PALM: variants seen among roughly 807,000 people sequenced by gnomAD.
PALM encodes the protein paralemmin-1.
PALM carries 18 observed loss-of-function variants against 30.7 expected under a neutral mutation model. That is an observed-to-expected ratio of 0.59 (90% CI 0.41 to 0.87). The LOEUF (loss-of-function observed/expected upper bound fraction) is 0.87, where lower values mean the gene tolerates loss of function less well. Among genes scored for constraint, PALM ranks in the 40% least tolerant of loss-of-function variants. The pLI is 0.00. For synonymous variants in PALM, 286 were observed against 242.8 expected (o/e 1.18, Z -1.66); for missense variants, 529 against 555.4 (o/e 0.95, Z 0.48).
intron 3 of PALM, 26 bp downstream of exon 3, chr19:727,114 T>C: frequency 6.8e-7 from 1 of 1,464,368 alleles, no homozygotes. Flanking sequence ...GGACCCAGGG[T>C]CAGGGAGTGC....
At chr19:744,609 A>G (rs906034114) in intron 8 of PALM, among the ~76,000 whole-genome samples, 2 of 152,064 alleles carry the variant, frequency 1.3e-5, no homozygotes, top group Admixed American at 1.3e-4. Context: ...GAATCCCTGT[A>G]ATGGCCAGGC....
rs531119531 is a variant in PALM, at chr19:734,419, G to A, written c.442+225G>A. On this transcript the variant is annotated intron_variant, in intron 6 of 8. Transcript: ENST00000338448. ...TACTGAAAAAATGCAAAGACAATTA[G>A]CCGGGTGTGGTGGCTCATGCCTGTA... 1.1e-3 allele frequency: 613 copies of A among 561,296 alleles called. 1 individual carries two copies. Among genetic ancestry groups the A allele is most frequent in the African/African-American group, 8.8e-3 (454 of 51,844 alleles). The allele number at this position is 561,296 out of a possible 1,614,324, so 34.8% of individuals were successfully genotyped here.
intron 2 of PALM, among the ~76,000 whole-genome samples, 170 bp downstream of exon 2, chr19:726,359 C>T (rs1259546149): frequency 6.6e-6 from 1 of 152,182 alleles, no homozygotes; most frequent in Admixed American, 6.5e-5. Flanking sequence ...GAAGTGGAGA[C>T]CCCCTGAGTC....
rs1351095552 is a variant in PALM at position 747,292 on chromosome 19, T to A, written c.*478T>A. On this transcript the variant is annotated 3_prime_UTR_variant, in exon 9 of 9. Transcript: ENST00000338448. ...CTCAGGCCCTGGAAGTGAGGCTCTA[T>A]GGGGTTCCCTGGCCAAGGCGCTGGC... The A allele has an allele frequency of 6.3e-6, 1 of 159,548 alleles. No homozygotes were observed. Among genetic ancestry groups the A allele is most frequent in the Admixed American group, 6.3e-5 (1 of 15,910 alleles). 9.9% of individuals were successfully genotyped at this position (159,548 alleles called of 1,614,324 possible).
At chr19:727,166 T>A in intron 3 of PALM, 78 bp downstream of exon 3, 1 of 928,396 alleles carries the variant, frequency 1.1e-6, no homozygotes, top group Non-Finnish European at 1.7e-6. Context: ...TGCCCAACCC[T>A]GACCCTGACC....
At chr19:731,395 C>A in intron 5 of PALM, 150 bp downstream of exon 5, 1 of 746,588 alleles carries the variant, frequency 1.3e-6, no homozygotes, top group Non-Finnish European at 2.1e-6. Context: ...GAGCCACTTC[C>A]CAGCTGTGTG....
At chr19:733,943 C>G (rs1470291991) in intron 5 of PALM, among the ~76,000 whole-genome samples, 2 of 152,060 alleles carry the variant, frequency 1.3e-5, no homozygotes, top group Non-Finnish European at 2.9e-5. Context: ...CCAAGATTGC[C>G]CCATTGCACT....
chr19:740,458 C>A lies in PALM; in HGVS notation c.609C>A (p.Ile203=). 1 of 1,552,340 alleles carries A rather than the reference C, an allele frequency of 6.4e-7. No individual in the cohort carries two copies. Among genetic ancestry groups the A allele is most frequent in the East Asian group, 2.4e-5 (1 of 41,054 alleles). Residue 203 remains isoleucine (I), a synonymous_variant, in exon 8 of 9, where the codon ATC becomes ATA. Transcript: ENST00000338448. ...LLPRQPLPLG[I]KVYEDETKVV... ...CTCGGCAGCCGCTCCCTCTGGGCAT[C>A]AAAGTCTACGAGGACGAGACCAAAG...
Position 746,111 on chromosome 19 carries a change from A to G in PALM, c.635-174A>G, listed in dbSNP as rs568433202. ...GCATTGGCTGCATCCACAGATGCCA[A>G]CAGGGGGCTTTAATTGTCTGTCAGT... On this transcript the variant is annotated intron_variant, in intron 8 of 8. Transcript: ENST00000338448. The surrounding 1 kb of genome is among the most constrained non-coding windows in gnomAD (Gnocchi z 7.1). 2.0e-5 allele frequency among the ~76,000 whole-genome samples: 3 copies of G among 152,334 alleles called. No individual in the cohort carries two copies. The highest frequency in any genetic ancestry group is 7.2e-5 in the African/African-American group (3 of 41,592).
At chr19:713,880 C>T (rs1230209904) in intron 1 of PALM, among the ~76,000 whole-genome samples, 3 of 149,474 alleles carry the variant, frequency 2.0e-5, no homozygotes, top group Non-Finnish European at 4.4e-5. Flanking sequence ...CCATGCCCAG[C>T]CTATGTTCTT....
chr19:732,996 C>T (rs866538708), intron 5 of PALM, among the ~76,000 whole-genome samples: 5 of 151,758 alleles, frequency 3.3e-5, no homozygotes, highest in African/African-American at 9.7e-5. Context: ...TGCAATGGCA[C>T]GATTTCAGCA....
chr19:715,448 G>T (rs1217190867), intron 1 of PALM, among the ~76,000 whole-genome samples: 1 of 152,180 alleles, frequency 6.6e-6, no homozygotes, highest in Non-Finnish European at 1.5e-5. Flanking sequence ...TCTTCTCTGA[G>T]GTGTGAGAAA....
rs1445971040 is a variant in PALM, at chr19:709,829, G to A, written c.5+678G>A. On this transcript the variant is annotated intron_variant, in intron 1 of 8. Coordinates refer to ENST00000338448, the MANE Select transcript of PALM (RefSeq NM_002579.3). The surrounding 1 kb of genome is among the most constrained non-coding windows in gnomAD (Gnocchi z 4.3). ...CCTCTCGGGGAAGTGTCTCGGAGCT[G>A]GGGCTCCACTGGTGTAGCTACAGGA... Among the ~76,000 whole-genome samples, 1 of 152,216 alleles carries A rather than the reference G, an allele frequency of 6.6e-6. No individual in the cohort carries two copies. Among genetic ancestry groups the A allele is most frequent in the Non-Finnish European group, 1.5e-5 (1 of 68,018 alleles).
intron 1 of PALM, among the ~76,000 whole-genome samples, chr19:724,904 G>A (rs1467012343): frequency 1.3e-5 from 2 of 151,070 alleles, no homozygotes; most frequent in Non-Finnish European, 2.9e-5. Context: ...AATTACAGGC[G>A]TGAGCAGCTG....
chr19:727,239 ACCCCGACCCCGACCCTGACCCCAACCTG>A (rs2032708324), intron 3 of PALM, 151 bp downstream of exon 3: 1 of 580,386 alleles, frequency 1.7e-6, no homozygotes, highest in South Asian at 2.0e-5. Flanking sequence ...CCTGACCCCG[ACCCCGACCCCGACCCTGACCCCAACCTG>A]ACCCCGACCC....
Position 742,906 on chromosome 19 carries a change from G to A in PALM, c.634+2423G>A, listed in dbSNP as rs531677708. Among the ~76,000 whole-genome samples, 9 of 152,286 alleles carry A rather than the reference G, an allele frequency of 5.9e-5. No homozygotes were observed. The highest frequency in any genetic ancestry group is 8.8e-5 in the Non-Finnish European group (6 of 68,028). On this transcript the variant is annotated intron_variant, in intron 8 of 8. Coordinates refer to ENST00000338448, the MANE Select transcript of PALM (RefSeq NM_002579.3). The surrounding 1 kb of genome is among the most constrained non-coding windows in gnomAD (Gnocchi z 5.5). ...TCACGCCCCTGCTTTCGAGGCCTTT[G>A]GGTGTACACGTAGGAGTGAACTGCT... is the stretch of plus-strand genomic sequence containing the variant.
At chr19:723,408 G>A (rs2032559319) in intron 1 of PALM, among the ~76,000 whole-genome samples, 1 of 152,004 alleles carries the variant, frequency 6.6e-6, no homozygotes, top group Non-Finnish European at 1.5e-5. Flanking sequence ...GCCAGGCCCT[G>A]CCCGTCAGCC....
intron 2 of PALM, among the ~76,000 whole-genome samples, chr19:726,502 T>G (rs960738138): frequency 6.6e-6 from 1 of 152,146 alleles, no homozygotes; most frequent in Admixed American, 6.6e-5. Flanking sequence ...TGTGCTTTGG[T>G]GCCATCTTGG....
At position 734,163 on chromosome 19, in the gene PALM, T is replaced by C. The variant is rs1248637095; in HGVS notation, c.421-10T>C. 1 of 1,613,814 alleles carries C rather than the reference T, an allele frequency of 6.2e-7. No individual in the cohort carries two copies. The highest frequency in any genetic ancestry group is 1.7e-5 in the Admixed American group (1 of 59,996). On this transcript the variant is annotated splice_polypyrimidine_tract_variant and intron_variant, in intron 5 of 8. Transcript: ENST00000338448. ...TGACGCCCCTGACCCTTCTCTCTTC[T>C]TTCTTGCAGACGCCGGTGGGCACGC...
Sources: allele counts gnomAD v4.1 joint callset (sites outside exome capture counted in the v4.1 genomes callset), GRCh38; gene constraint gnomAD v4.1.1; non-coding constraint Gnocchi (gnomAD v3.1); transcripts MANE v1.5; gene names NCBI Gene and HGNC (gene_info 2026-07-23, HGNC 2026-07-21).